The following KCNIP4 variants were observed in gnomAD, a reference collection of about 807,000 sequenced individuals.
The protein encoded by KCNIP4 is potassium voltage-gated channel interacting protein 4, also known as Kv channel-interacting protein 4.
KCNIP4 carries 12 observed loss-of-function variants against 34.0 expected under a neutral mutation model. The ratio of observed to expected loss-of-function variants is 0.35; its 90% CI spans 0.23 to 0.57. KCNIP4 has a LOEUF of 0.57. Among genes scored for constraint, KCNIP4 ranks in the 20% least tolerant of loss-of-function variants. The probability of loss-of-function intolerance (pLI) is 0.83; values close to 1 mark genes in which losing one functional copy is unlikely to be tolerated. For synonymous variants in KCNIP4, 124 were observed against 102.2 expected, an observed-to-expected ratio of 1.21 and a Z score of -1.29; for missense variants, 238 against 311.7, an observed-to-expected ratio of 0.76 and a Z score of 1.78.
chr4:21,266,987 A>G (rs918154492), intron 1 of KCNIP4, among the ~76,000 whole-genome samples: 7 of 152,200 alleles, frequency 4.6e-5, no homozygotes, highest in African/African-American at 1.7e-4. Context: ...CAGTTTCCTT[A>G]TCTGTAAAAT....
At chr4:21,650,210 A>G (rs1012046324) in intron 1 of KCNIP4, among the ~76,000 whole-genome samples, 1 of 152,202 alleles carries the variant, frequency 6.6e-6, no homozygotes, top group African/African-American at 2.4e-5. Context: ...CACTATGTGG[A>G]AAACCCTTAA....
chr4:20,912,260 C>A (rs975439206), intron 1 of KCNIP4, among the ~76,000 whole-genome samples: 2 of 151,978 alleles, frequency 1.3e-5, no homozygotes, highest in Non-Finnish European at 2.9e-5. Context: ...TCTCCATTTG[C>A]AAATGACATG....
At chr4:20,937,244 T>A (rs1731168958) in intron 1 of KCNIP4, among the ~76,000 whole-genome samples, 1 of 132,296 alleles carries the variant, frequency 7.6e-6, no homozygotes, top group Non-Finnish European at 1.6e-5. Context: ...TTTTTTTTTT[T>A]TTTTTTTTGA....
At chr4:21,239,219 T>C (rs1759608370) in intron 1 of KCNIP4, among the ~76,000 whole-genome samples, 1 of 146,488 alleles carries the variant, frequency 6.8e-6, no homozygotes. Context: ...TATACAAAAA[T>C]TAATTCAAGA....
At chr4:21,343,241 A>G (rs1405864497) in intron 1 of KCNIP4, among the ~76,000 whole-genome samples, 1 of 152,126 alleles carries the variant, frequency 6.6e-6, no homozygotes, top group Non-Finnish European at 1.5e-5. Context: ...TACATAATGT[A>G]CTTGGAGTTA....
intron 1 of KCNIP4, among the ~76,000 whole-genome samples, chr4:21,251,034 C>A (rs1760661337): frequency 6.6e-6 from 1 of 151,868 alleles, no homozygotes; most frequent in Admixed American, 6.6e-5. Flanking sequence ...CAGAACTGTT[C>A]ATGACAGCTT....
chr4:21,259,560 T>A (rs1761313437), intron 1 of KCNIP4, among the ~76,000 whole-genome samples: 1 of 152,172 alleles, frequency 6.6e-6, no homozygotes, highest in Non-Finnish European at 1.5e-5. Flanking sequence ...CTACTGGTTG[T>A]ATGCTGGAAC....
intron 1 of KCNIP4, among the ~76,000 whole-genome samples, chr4:20,965,312 C>T (rs918046851): frequency 3.3e-5 from 5 of 152,126 alleles, no homozygotes; most frequent in African/African-American, 1.2e-4. Context: ...GTGGTTTTCA[C>T]GGAACACATA....
intron 1 of KCNIP4, among the ~76,000 whole-genome samples, chr4:21,346,814 C>G (rs558460045): frequency 6.6e-6 from 1 of 152,120 alleles, no homozygotes; most frequent in South Asian, 2.1e-4. Context: ...CTATAACATA[C>G]AATTTAAGAG....
At chr4:21,803,582 C>T (rs922862889) in intron 1 of KCNIP4, among the ~76,000 whole-genome samples, 23 of 152,116 alleles carry the variant, frequency 1.5e-4, no homozygotes, top group Non-Finnish European at 3.1e-4. Flanking sequence ...CCACCATTAC[C>T]CTGCCCTCTA....
chr4:21,835,647 A>C (rs2109311987), intron 1 of KCNIP4, among the ~76,000 whole-genome samples: 1 of 152,150 alleles, frequency 6.6e-6, no homozygotes, highest in South Asian at 2.1e-4. Context: ...ATATGTTTCC[A>C]ACATTTACAA....
intron 1 of KCNIP4, among the ~76,000 whole-genome samples, chr4:21,900,299 GA>G (rs1312049406): frequency 7.9e-5 from 12 of 152,130 alleles, no homozygotes; most frequent in Admixed American, 7.9e-4. Flanking sequence ...CAATTTAACA[GA>G]AAAAACAATC....
chr4:21,827,017 G>C (rs915332541), intron 1 of KCNIP4, among the ~76,000 whole-genome samples: 3 of 152,020 alleles, frequency 2.0e-5, no homozygotes, highest in African/African-American at 7.2e-5. Context: ...CTGAATAAAT[G>C]ATGTGTAGAG....
chr4:21,096,157 G>T (rs1037193563), intron 1 of KCNIP4, among the ~76,000 whole-genome samples: 1 of 152,086 alleles, frequency 6.6e-6, no homozygotes, highest in African/African-American at 2.4e-5. Flanking sequence ...CCAGAGCGGT[G>T]CAATTAACCA....
intron 1 of KCNIP4, among the ~76,000 whole-genome samples, chr4:21,704,885 A>T (rs1263506983): frequency 2.0e-5 from 3 of 152,146 alleles, no homozygotes; most frequent in Admixed American, 6.6e-5. Flanking sequence ...AGAGAAATAA[A>T]AATTTATTTT....
At chr4:20,853,269 C>T (rs1229948557) in intron 2 of KCNIP4, among the ~76,000 whole-genome samples, 2 of 152,138 alleles carry the variant, frequency 1.3e-5, no homozygotes, top group African/African-American at 2.4e-5. Flanking sequence ...ACCAAAACAG[C>T]GTGGTACTGG....
At chr4:21,124,776 A>G (rs1433492) in intron 1 of KCNIP4, among the ~76,000 whole-genome samples, 103,591 of 151,766 alleles carry the variant, frequency 0.68, 35,914 homozygotes, top group African/African-American at 0.79. Flanking sequence ...GACAACAGAT[A>G]CCTGACCCCA....
chr4:21,534,929 G>C (rs1451737264), intron 1 of KCNIP4, among the ~76,000 whole-genome samples: 1 of 152,090 alleles, frequency 6.6e-6, no homozygotes, highest in Non-Finnish European at 1.5e-5. Flanking sequence ...ATCTTGAATT[G>C]TTCAAGGTCA....
At chr4:20,893,198 T>C (rs1355760206) in intron 1 of KCNIP4, among the ~76,000 whole-genome samples, 2 of 152,198 alleles carry the variant, frequency 1.3e-5, no homozygotes, top group East Asian at 3.8e-4. Flanking sequence ...CTGTAAACAA[T>C]GTAAATAATG....
Sources: allele counts gnomAD v4.1 joint callset (sites outside exome capture counted in the v4.1 genomes callset), GRCh38; gene constraint gnomAD v4.1.1; transcripts MANE v1.5; gene names NCBI Gene and HGNC (gene_info 2026-07-23, HGNC 2026-07-21).